The following AGT variants were observed in gnomAD, a reference collection of about 807,000 sequenced individuals.
AGT encodes the protein angiotensinogen, also known as alpha-1 antiproteinase, antitrypsin.
AGT carries 26 observed loss-of-function variants against 28.1 expected under a neutral mutation model. That is an observed-to-expected ratio of 0.92 (90% CI 0.68 to 1.28). The LOEUF is 1.28. Ranked by LOEUF, AGT falls within the 50% of genes most tolerant of loss-of-function variation. The probability of loss-of-function intolerance (pLI) is 0.00; values close to 1 mark genes in which losing one functional copy is unlikely to be tolerated. For missense variants in AGT, 596 were observed against 592.3 expected (o/e 1.01, Z -0.06); for synonymous variants, 259 against 259.6 (o/e 1.00, Z 0.02).
intron 1 of AGT, among the ~76,000 whole-genome samples, chr1:230,744,039 G>A (rs1370701433): frequency 3.3e-5 from 5 of 152,192 alleles, no homozygotes; most frequent in Admixed American, 1.3e-4. Flanking sequence ...CATGGCCCCC[G>A]CTTGGCTCAA....
upstream of AGT, among the ~76,000 whole-genome samples, chr1:230,719,416 T>C (rs576696173): frequency 1.6e-5 from 1 of 61,592 alleles, no homozygotes; most frequent in African/African-American, 1.7e-4. Context: ...GTTTTTTTTT[T>C]TTTTTTTTTG....
At chr1:230,738,685 G>GA (rs1253643195) in intron 1 of AGT, among the ~76,000 whole-genome samples, 1 of 152,130 alleles carries the variant, frequency 6.6e-6, no homozygotes, top group African/African-American at 2.4e-5. Context: ...ATAAGAATCA[G>GA]AAAATGGTGC....
At chr1:230,711,525 A>C (rs1429759797) in intron 1 of AGT, among the ~76,000 whole-genome samples, 1 of 152,106 alleles carries the variant, frequency 6.6e-6, no homozygotes, top group Non-Finnish European at 1.5e-5. Context: ...AGTGTGTGCC[A>C]ATCAGTAGGT....
chr1:230,743,084 G>A (rs931671063), intron 1 of AGT, among the ~76,000 whole-genome samples: 16 of 152,004 alleles, frequency 1.1e-4, no homozygotes, highest in Admixed American at 7.2e-4. Context: ...TCTGACTCCC[G>A]GGTTCAAGCA....
upstream of AGT, among the ~76,000 whole-genome samples, chr1:230,719,404 ATGTTTTTTTT>A (rs1214930114): frequency 5.2e-4 from 52 of 99,580 alleles, 1 homozygote; most frequent in East Asian, 0.024. Context: ...TATTATCATT[ATGTTTTTTTT>A]TTTTTTTTTT....
chr1:230,739,915 G>A (rs1309888727), intron 1 of AGT, among the ~76,000 whole-genome samples: 3 of 152,292 alleles, frequency 2.0e-5, no homozygotes, highest in East Asian at 3.9e-4. Context: ...AATTCAGGAC[G>A]AGTCTATAGA....
intron 1 of AGT, among the ~76,000 whole-genome samples, chr1:230,722,958 G>C (rs1663875715): frequency 6.6e-6 from 1 of 152,150 alleles, no homozygotes; most frequent in Admixed American, 6.5e-5. Context: ...GAATGATACG[G>C]TTTAGCTCTG....
intron 1 of AGT, among the ~76,000 whole-genome samples, chr1:230,737,939 A>T (rs1664184218): frequency 1.4e-5 from 2 of 145,530 alleles, no homozygotes; most frequent in South Asian, 2.1e-4. Flanking sequence ...TCCTGTCTCC[A>T]TAGATTTCCA....
intron 4 of AGT, 50 bp downstream of exon 4, chr1:230,704,143 C>T: frequency 6.2e-7 from 1 of 1,613,976 alleles, no homozygotes; most frequent in Non-Finnish European, 8.5e-7. Context: ...GCCTCCCACC[C>T]TGTGCACACT....
chr1:230,703,475 A>G, intron 4 of AGT, 146 bp from the exon 5 acceptor site: 2 of 838,892 alleles, frequency 2.4e-6, no homozygotes, highest in Non-Finnish European at 2.0e-6. Flanking sequence ...AGGAGGATGC[A>G]CAGTGTATGC....
intron 1 of AGT, among the ~76,000 whole-genome samples, chr1:230,734,785 C>T (rs1291163138): frequency 6.6e-6 from 1 of 152,080 alleles, no homozygotes; most frequent in Non-Finnish European, 1.5e-5. Flanking sequence ...TCTCGGCTCA[C>T]TGCAAGCTCC....
rs769005941 is a variant in AGT at position 230,706,013 on chromosome 1, G to A, written c.1017C>T (p.His339=). The change falls in exon 3 of 5, where the codon CAC becomes CAT. Residue 339 remains histidine (H), a synonymous_variant. Coordinates refer to ENST00000366667, the MANE Select transcript of AGT (RefSeq NM_001384479.1). ...CCACCTTGTCCAGGTCAGAGGCATAGTGAGGCTGGATCAGCAGCAGGCAGG... is the reference window on the plus strand; with the variant it reads ...CCACCTTGTCCAGGTCAGAGGCATAATGAGGCTGGATCAGCAGCAGGCAGG... ...ESACLLLIQP[H]YASDLDKVEG... 20 of 1,614,096 alleles carry A rather than the reference G, an allele frequency of 1.2e-5. No individual in the cohort carries two copies. The highest frequency in any genetic ancestry group is 1.6e-5 in the Non-Finnish European group (19 of 1,180,032).
At chr1:230,738,390 A>G (rs1004462417) in intron 1 of AGT, among the ~76,000 whole-genome samples, 1 of 152,240 alleles carries the variant, frequency 6.6e-6, no homozygotes, top group Non-Finnish European at 1.5e-5. Flanking sequence ...ACTTCATACC[A>G]TGGTAGTCTC....
chr1:230,704,958 G>A (rs1663338520), intron 3 of AGT, among the ~76,000 whole-genome samples: 1 of 152,206 alleles, frequency 6.6e-6, no homozygotes, highest in Non-Finnish European at 1.5e-5. Context: ...GTCCATCGAT[G>A]GATGAGTGGA....
intron 1 of AGT, among the ~76,000 whole-genome samples, chr1:230,738,659 G>A (rs1664191904): frequency 6.6e-6 from 1 of 152,142 alleles, no homozygotes; most frequent in Non-Finnish European, 1.5e-5. Context: ...TGCCAAAGGG[G>A]GAGGATACGT....
At chr1:230,744,910 G>A (rs951794613) in intron 1 of AGT, among the ~76,000 whole-genome samples, 1 of 152,188 alleles carries the variant, frequency 6.6e-6, no homozygotes, top group African/African-American at 2.4e-5. Flanking sequence ...GATCTGGGCT[G>A]GTAATCATTT....
At chr1:230,741,799 C>T (rs2102808271) in intron 1 of AGT, among the ~76,000 whole-genome samples, 1 of 152,302 alleles carries the variant, frequency 6.6e-6, no homozygotes, top group Non-Finnish European at 1.5e-5. Context: ...AATGTACAGA[C>T]ATCTTGCGAG....
intron 1 of AGT, among the ~76,000 whole-genome samples, chr1:230,713,522 C>T (rs1663653682): frequency 2.0e-5 from 3 of 152,332 alleles, no homozygotes; most frequent in South Asian, 2.1e-4. Flanking sequence ...TATATTAGTT[C>T]TCTTCAGCTA....
intron 1 of AGT, among the ~76,000 whole-genome samples, chr1:230,741,985 G>A (rs765696292): frequency 1.3e-5 from 2 of 152,140 alleles, no homozygotes; most frequent in African/African-American, 4.8e-5. Context: ...GAGCCCAGGA[G>A]TTCAAGCCTT....
Sources: gnomAD v4.1 joint callset for allele counts (sites outside exome capture counted in the v4.1 genomes callset) on GRCh38, gnomAD v4.1.1 for gene constraint, MANE v1.5 for transcripts, NCBI Gene and HGNC (gene_info 2026-07-23, HGNC 2026-07-21) for gene names.